KIAA1328: variants seen among roughly 807,000 people sequenced by gnomAD.
KIAA1328 encodes protein hinderin.
In KIAA1328, 52 loss-of-function variants were observed where a neutral mutation model predicts 68.1. The observed-to-expected ratio is 0.76, with a 90% CI of 0.61 to 0.96. The LOEUF (loss-of-function observed/expected upper bound fraction) is 0.96, where lower values mean the gene tolerates loss of function less well. Among genes scored for constraint, KIAA1328 ranks in the 40% least tolerant of loss-of-function variants. The pLI, the probability that KIAA1328 is intolerant of heterozygous loss-of-function variation, is 0.00. For missense variants in KIAA1328, 641 were observed against 677.6 expected (o/e 0.95, Z 0.60); for synonymous variants, 232 against 239.4 (o/e 0.97, Z 0.28).
intron 7 of KIAA1328, among the ~76,000 whole-genome samples, chr18:37,143,396 G>A (rs1045888318): frequency 3.9e-5 from 6 of 152,068 alleles, no homozygotes; most frequent in African/African-American, 1.4e-4. Flanking sequence ...TTTGTTAAAT[G>A]GATGTAGTCT....
At chr18:36,916,227 T>C (rs2049695123) in intron 5 of KIAA1328, among the ~76,000 whole-genome samples, 1 of 152,054 alleles carries the variant, frequency 6.6e-6, no homozygotes, top group East Asian at 1.9e-4. Flanking sequence ...ATGTACCTGC[T>C]AATATTGTTG....
At chr18:37,078,983 T>C (rs2056851457) in intron 7 of KIAA1328, among the ~76,000 whole-genome samples, 1 of 151,914 alleles carries the variant, frequency 6.6e-6, no homozygotes, top group South Asian at 2.1e-4. Flanking sequence ...TTACTGGGTA[T>C]ATACCCAAAG....
At chr18:37,078,562 A>G (rs1441319601) in intron 7 of KIAA1328, among the ~76,000 whole-genome samples, 1 of 147,372 alleles carries the variant, frequency 6.8e-6, no homozygotes, top group Non-Finnish European at 1.5e-5. Flanking sequence ...ATGGGAGAAA[A>G]TTTTCACAAC....
intron 6 of KIAA1328, among the ~76,000 whole-genome samples, chr18:37,038,981 G>C (rs2055139479): frequency 6.6e-6 from 1 of 151,898 alleles, no homozygotes; most frequent in Non-Finnish European, 1.5e-5. Context: ...TTTGGTTTTG[G>C]GGTTTTGCTC....
chr18:37,005,644 A>C (rs2053754522), intron 6 of KIAA1328, among the ~76,000 whole-genome samples: 1 of 152,132 alleles, frequency 6.6e-6, no homozygotes. Context: ...AAAGGAATAC[A>C]TGTGTTCCCA....
chr18:37,209,114 C>G (rs1397249884), intron 9 of KIAA1328, among the ~76,000 whole-genome samples: 1 of 152,052 alleles, frequency 6.6e-6, no homozygotes, highest in Middle Eastern at 3.4e-3. Flanking sequence ...AAAAATGGTC[C>G]CAATATATTA....
At chr18:36,879,623 G>T (rs891500509) in intron 4 of KIAA1328, among the ~76,000 whole-genome samples, 2 of 152,128 alleles carry the variant, frequency 1.3e-5, no homozygotes, top group Admixed American at 6.5e-5. Context: ...CTGAAGTTGC[G>T]CCCACAGCCA....
At chr18:37,141,774 C>T (rs1414105664) in intron 7 of KIAA1328, among the ~76,000 whole-genome samples, 1 of 152,192 alleles carries the variant, frequency 6.6e-6, no homozygotes, top group Middle Eastern at 3.2e-3. Flanking sequence ...TAATTTTAAA[C>T]ATTTTAATGG....
chr18:37,086,864 G>A (rs2057119423), intron 7 of KIAA1328, among the ~76,000 whole-genome samples: 2 of 152,152 alleles, frequency 1.3e-5, no homozygotes, highest in Admixed American at 1.3e-4. Context: ...TTCTAAAAAT[G>A]TATGCTGATA....
downstream of KIAA1328, among the ~76,000 whole-genome samples, chr18:37,226,939 G>A (rs1224507630): frequency 1.3e-5 from 2 of 152,092 alleles, no homozygotes; most frequent in South Asian, 2.1e-4. Flanking sequence ...AACTAATTTT[G>A]TATTTTTAGT....
At chr18:37,125,063 C>T (rs1055964656) in intron 7 of KIAA1328, among the ~76,000 whole-genome samples, 2 of 152,184 alleles carry the variant, frequency 1.3e-5, no homozygotes, top group Non-Finnish European at 1.5e-5. Flanking sequence ...CGTGGTGGCT[C>T]ATGCCTGTAA....
At chr18:37,000,195 G>T (rs1010338309) in intron 6 of KIAA1328, among the ~76,000 whole-genome samples, 8 of 152,124 alleles carry the variant, frequency 5.3e-5, no homozygotes, top group Non-Finnish European at 1.0e-4. Flanking sequence ...CCAAAAGTGA[G>T]CAGGAGTGGC....
chr18:37,146,233 C>T (rs1180793807), intron 7 of KIAA1328, among the ~76,000 whole-genome samples: 1 of 152,068 alleles, frequency 6.6e-6, no homozygotes, highest in Admixed American at 6.6e-5. Context: ...TTCTCCTCTA[C>T]CTCCTCCCGT....
intron 5 of KIAA1328, among the ~76,000 whole-genome samples, chr18:36,898,902 A>G (rs1199853441): frequency 6.6e-6 from 1 of 151,856 alleles, no homozygotes; most frequent in Non-Finnish European, 1.5e-5. Flanking sequence ...TGCTTTACAC[A>G]TTTCTTAGGA....
intron 7 of KIAA1328, among the ~76,000 whole-genome samples, chr18:37,152,201 C>T (rs536419626): frequency 1.4e-4 from 21 of 151,284 alleles, no homozygotes; most frequent in Admixed American, 7.9e-4. Context: ...TAGTAGTTCT[C>T]AAAGAGGTAG....
chr18:36,920,809 A>G (rs927213724), intron 5 of KIAA1328, among the ~76,000 whole-genome samples: 5 of 152,118 alleles, frequency 3.3e-5, no homozygotes, highest in Non-Finnish European at 1.5e-5. Context: ...TTCCATAAGT[A>G]TATGGATTAA....
intron 7 of KIAA1328, among the ~76,000 whole-genome samples, chr18:37,159,332 A>AT (rs1568479211): frequency 1.3e-5 from 2 of 152,172 alleles, no homozygotes; most frequent in Non-Finnish European, 2.9e-5. Flanking sequence ...TTGTCTAGAG[A>AT]TTCCCTTTGC....
chr18:37,080,810 A>G (rs2056924404), intron 7 of KIAA1328, among the ~76,000 whole-genome samples: 1 of 151,302 alleles, frequency 6.6e-6, no homozygotes, highest in African/African-American at 2.4e-5. Context: ...AGAACTAATC[A>G]TGCTGGTTTC....
chr18:36,852,225 T>G (rs1443046336), intron 4 of KIAA1328, among the ~76,000 whole-genome samples: 1 of 152,178 alleles, frequency 6.6e-6, no homozygotes, highest in African/African-American at 2.4e-5. Context: ...GAATGTTCCA[T>G]GTGCACTTGG....
Sources: allele counts gnomAD v4.1 joint callset (sites outside exome capture counted in the v4.1 genomes callset), GRCh38; gene constraint gnomAD v4.1.1; transcripts MANE v1.5; gene names NCBI Gene and HGNC (gene_info 2026-07-23, HGNC 2026-07-21).